The following HSCB variants were observed in gnomAD, a reference collection of about 807,000 sequenced individuals.
HSCB encodes iron-sulfur cluster co-chaperone protein HscB.
Under a neutral mutation model 31.3 loss-of-function variants are expected in HSCB, and 23 were observed. The ratio of observed to expected loss-of-function variants is 0.74; its 90% CI spans 0.53 to 1.04. The LOEUF (loss-of-function observed/expected upper bound fraction) is 1.04. HSCB is among the 50% of genes least tolerant of loss of function. The pLI, the probability that HSCB is intolerant of heterozygous loss-of-function variation, is 0.00. For synonymous variants in HSCB, 110 were observed against 104.5 expected (o/e 1.05, Z -0.32); for missense variants, 297 against 288.1 (o/e 1.03, Z -0.22).
chr22:28,751,080 A>G lies in HSCB; in HGVS notation c.569-161A>G, dbSNP rs117880394. On this transcript the variant is annotated intron_variant, in intron 4 of 5. Coordinates refer to ENST00000216027, the MANE Select transcript of HSCB (RefSeq NM_172002.5). ...AGAGTTGTGCTAAACAGCAGCTGCC[A>G]TCATGGTACACACAGAGACAAAGGT... Among the ~76,000 whole-genome samples, 441 of 151,414 alleles carry G rather than the reference A, an allele frequency of 2.9e-3. 15 individuals are homozygous for G. The East Asian group carries it at 0.077, about 26-fold the overall frequency.
At chr22:28,751,173 T>G (rs1306947750) in intron 4 of HSCB, 68 bp from the exon 5 acceptor site, 1 of 942,038 alleles carries the variant, frequency 1.1e-6, no homozygotes, top group Non-Finnish European at 1.7e-6. Flanking sequence ...ATTACAAAGT[T>G]TAAGTATTGT....
rs947181529 is a variant in HSCB at position 28,753,698 on chromosome 22, C to T, written c.616+2410C>T. ...CTAAATATACAAAAAATCAGCCAGG[C>T]GTGGTGGCGGGCACCTGTAGTCCCA... On this transcript the variant is annotated intron_variant, in intron 5 of 5. Transcript: ENST00000216027. 2.6e-5 allele frequency among the ~76,000 whole-genome samples: 4 copies of T among 151,510 alleles called. No individual in the cohort carries two copies. The South Asian group carries it at 6.2e-4, about 24-fold the overall frequency.
intron 4 of HSCB, among the ~76,000 whole-genome samples, chr22:28,750,909 A>G (rs997704602): frequency 1.4e-5 from 2 of 146,506 alleles, no homozygotes; most frequent in Non-Finnish European, 1.5e-5. Flanking sequence ...CGAAGACCCA[A>G]ACTGTTTCGT....
intron 1 of HSCB, among the ~76,000 whole-genome samples, chr22:28,743,612 C>T (rs974823927): frequency 3.3e-5 from 5 of 152,158 alleles, no homozygotes; most frequent in African/African-American, 7.2e-5. Flanking sequence ...ACCTCGAGGT[C>T]CTTGCTCTTG....
chr22:28,754,175 G>C (rs1160683634), intron 5 of HSCB, among the ~76,000 whole-genome samples: 3 of 152,116 alleles, frequency 2.0e-5, no homozygotes, highest in African/African-American at 7.2e-5. Flanking sequence ...GCTCCAACAT[G>C]GATGAACCTT....
intron 4 of HSCB, 62 bp from the exon 5 acceptor site, chr22:28,751,179 A>G: frequency 1.0e-6 from 1 of 985,370 alleles, no homozygotes; most frequent in Non-Finnish European, 1.6e-6. Flanking sequence ...AAGTTTAAGT[A>G]TTGTCTTCAT....
chr22:28,743,876 T>C lies in HSCB; in HGVS notation c.237-6T>C. On this transcript the variant is annotated splice_polypyrimidine_tract_variant and splice_region_variant and intron_variant, in intron 1 of 5. Transcript: ENST00000216027. The stretch of plus-strand genomic sequence containing the variant: ...GTATAAATTTAATCTCCCAATTTCC[T>C]TCCAGCAACCGTTCCTTCAGAGTTG... The C allele has an allele frequency of 6.2e-7, 1 of 1,612,856 alleles. No homozygotes were observed. Among genetic ancestry groups the C allele is most frequent in the Non-Finnish European group, 8.5e-7 (1 of 1,179,004 alleles).
chr22:28,745,153 T>A (rs1050436711), intron 3 of HSCB: 4 of 154,450 alleles, frequency 2.6e-5, no homozygotes, highest in Admixed American at 1.3e-4. Context: ...ACTGCATTTT[T>A]TAAATTGTGA....
At position 28,742,197 on chromosome 22, in the gene HSCB, G is replaced by A. The variant is rs776274077; in HGVS notation, c.102G>A (p.Ala34=). The part of the protein sequence containing the change: ...RPLSCDAASQ[A]GSNYPRCWNC... ...TAAGCTGCGATGCTGCGTCGCAGGC[G>A]GGAAGCAATTATCCCCGCTGTTGGA... Residue 34 remains alanine, a synonymous_variant, in exon 1 of 6, where the codon GCG becomes GCA. Transcript: ENST00000216027. 6.2e-7 allele frequency: 1 copy of A among 1,613,764 alleles called. No homozygotes were observed. The highest frequency in any genetic ancestry group is 8.5e-7 in the Non-Finnish European group (1 of 1,179,990).
intron 4 of HSCB, among the ~76,000 whole-genome samples, chr22:28,747,973 C>T (rs1288961042): frequency 6.6e-6 from 1 of 152,076 alleles, no homozygotes; most frequent in South Asian, 2.1e-4. Context: ...ATCACGAGGT[C>T]AGGAGATCAA....
At position 28,757,224 on chromosome 22, in the gene HSCB, C is replaced by T. The variant is rs2030667711; in HGVS notation, c.*55C>T. On this transcript the variant is annotated 3_prime_UTR_variant, in exon 6 of 6. Transcript: ENST00000216027. Reference sequence around the variant, plus strand: ...AGTTCTTGCTGGGCACAGTGGCTCACACCTGTAATCCCAGCACTTTGGGAG... The same window carrying T: ...AGTTCTTGCTGGGCACAGTGGCTCATACCTGTAATCCCAGCACTTTGGGAG... The T allele has an allele frequency of 2.2e-6, 2 of 905,762 alleles. No individual in the cohort carries two copies. Among genetic ancestry groups the T allele is most frequent in the Admixed American group, 3.8e-5 (2 of 52,880 alleles). 56.1% of individuals were successfully genotyped at this position (905,762 alleles called of 1,614,324 possible). A position where few individuals can be genotyped will look rare whatever the true frequency, so the allele number is the denominator to read the frequency against.
chr22:28,751,269 G>A lies in HSCB; in HGVS notation c.597G>A (p.Val199=), dbSNP rs749367253. ...AACAGAAAGAATTTACTGACAATGTGAGCAGTGCTTTTGAACAAGGTACTT... is the reference window on the plus strand; with the variant it reads ...AACAGAAAGAATTTACTGACAATGTAAGCAGTGCTTTTGAACAAGGTACTT... ...KAKQKEFTDN[V]SSAFEQDDFE... The change falls in exon 5 of 6, where the codon GTG becomes GTA. Residue 199 remains valine, a synonymous_variant. Coordinates refer to ENST00000216027, the MANE Select transcript of HSCB (RefSeq NM_172002.5). The A allele has an allele frequency of 1.9e-6, 3 of 1,600,250 alleles. No homozygotes were observed. The highest frequency in any genetic ancestry group is 1.7e-5 in the Admixed American group (1 of 58,800).
At chr22:28,749,321 G>A (rs2030065384) in intron 4 of HSCB, among the ~76,000 whole-genome samples, 1 of 152,004 alleles carries the variant, frequency 6.6e-6, no homozygotes, top group Non-Finnish European at 1.5e-5. Flanking sequence ...AGGGCCTGTT[G>A]CTTCTGCCTG....
At chr22:28,743,350 G>A (rs1036802816) in intron 1 of HSCB, among the ~76,000 whole-genome samples, 1 of 152,118 alleles carries the variant, frequency 6.6e-6, no homozygotes, top group Non-Finnish European at 1.5e-5. Context: ...TATGAGGATC[G>A]AGGATTCTAG....
chr22:28,754,712 C>T (rs2030483969), intron 5 of HSCB, among the ~76,000 whole-genome samples: 1 of 151,712 alleles, frequency 6.6e-6, no homozygotes, highest in African/African-American at 2.4e-5. Context: ...GATGCTTGCC[C>T]AACAATGTGA....
At chr22:28,742,793 T>G (rs1027216716) in intron 1 of HSCB, 1 of 162,710 alleles carries the variant, frequency 6.1e-6, no homozygotes. Context: ...GATCCGAGAT[T>G]AGGGAGTAAA....
At chr22:28,745,815 T>C in intron 3 of HSCB, 49 bp from the exon 4 acceptor site, 1 of 1,506,622 alleles carries the variant, frequency 6.6e-7, no homozygotes, top group Non-Finnish European at 9.0e-7. Context: ...TTTACATTAC[T>C]CTGCCCATAG....
Position 28,753,248 on chromosome 22 carries a change from G to A in HSCB, c.616+1960G>A, listed in dbSNP as rs78029368. ...AAAATAATAAAAGCAACATTAGACC[G>A]GGCGTGGTGGCTCACATCTGTAATC... On this transcript the variant is annotated intron_variant, in intron 5 of 5. Coordinates refer to ENST00000216027, the MANE Select transcript of HSCB (RefSeq NM_172002.5). Among the ~76,000 whole-genome samples the A allele has an allele frequency of 5.9e-3, 899 of 151,544 alleles. 9 individuals are homozygous for A. Among genetic ancestry groups the A allele is most frequent in the African/African-American group, 0.02 (839 of 41,322 alleles).
intron 5 of HSCB, 39 bp from the exon 6 acceptor site, chr22:28,757,039 T>G: frequency 8.2e-7 from 1 of 1,213,792 alleles, no homozygotes; most frequent in Non-Finnish European, 1.2e-6. Context: ...TATTCTTGCT[T>G]GAAATGAAGC....
Sources: gnomAD v4.1 joint callset for allele counts (sites outside exome capture counted in the v4.1 genomes callset) on GRCh38, gnomAD v4.1.1 for gene constraint, MANE v1.5 for transcripts, NCBI Gene and HGNC (gene_info 2026-07-23, HGNC 2026-07-21) for gene names.